BMPR1A: variants seen among roughly 807,000 people sequenced by gnomAD.
BMPR1A encodes bone morphogenetic protein receptor type-1A.
In BMPR1A, 7 loss-of-function variants were observed where a neutral mutation model predicts 66.0. That is an observed-to-expected ratio of 0.11 (90% CI 0.06 to 0.20). The LOEUF is 0.20. Ranked by LOEUF, BMPR1A falls within the 10% of genes least tolerant of loss-of-function variation. The probability of loss-of-function intolerance (pLI) is 1.00; values close to 1 mark genes in which losing one functional copy is unlikely to be tolerated. For synonymous variants in BMPR1A, 200 were observed against 229.7 expected, an observed-to-expected ratio of 0.87 and a Z score of 1.17; for missense variants, 408 against 669.1, an observed-to-expected ratio of 0.61 and a Z score of 4.31.
chr10:86,767,497 G>A (rs1456724351), intron 1 of BMPR1A, among the ~76,000 whole-genome samples: 1 of 152,114 alleles, frequency 6.6e-6, no homozygotes, highest in African/African-American at 2.4e-5. Context: ...TGGGCAATAT[G>A]TTGAGACTCT....
intron 1 of BMPR1A, among the ~76,000 whole-genome samples, chr10:86,833,602 G>A (rs935895520): frequency 2.6e-5 from 4 of 152,036 alleles, no homozygotes; most frequent in Admixed American, 2.6e-4. Context: ...AGTGACTGCC[G>A]GTACATAAAC....
chr10:86,823,900 C>G (rs1053112896), intron 1 of BMPR1A, among the ~76,000 whole-genome samples: 12 of 152,190 alleles, frequency 7.9e-5, no homozygotes, highest in Admixed American at 3.9e-4. Flanking sequence ...CGTTAGTGCT[C>G]TTCGGTTAAT....
At chr10:86,773,919 C>T (rs559650387) in intron 1 of BMPR1A, among the ~76,000 whole-genome samples, 11 of 149,086 alleles carry the variant, frequency 7.4e-5, no homozygotes, top group Admixed American at 2.0e-4. Flanking sequence ...GGTGCGATCT[C>T]GGCTCACTGC....
At chr10:86,762,730 T>G (rs978879200) in intron 1 of BMPR1A, among the ~76,000 whole-genome samples, 2 of 152,056 alleles carry the variant, frequency 1.3e-5, no homozygotes, top group East Asian at 3.9e-4. Context: ...GTTGTAGTTA[T>G]GTTAAGATCT....
At chr10:86,892,324 G>A (rs768406007) in intron 5 of BMPR1A, 95 bp downstream of exon 5, 6 of 929,476 alleles carry the variant, frequency 6.5e-6, no homozygotes, top group East Asian at 2.6e-5. Flanking sequence ...TGTACACATC[G>A]CTGTATGTTC....
chr10:86,761,563 G>T (rs1564675760), intron 1 of BMPR1A, among the ~76,000 whole-genome samples: 1 of 152,200 alleles, frequency 6.6e-6, no homozygotes, highest in South Asian at 2.1e-4. Flanking sequence ...GGCCTAGCCC[G>T]GATTAAACCC....
chr10:86,773,234 T>C (rs1841293264), intron 1 of BMPR1A, among the ~76,000 whole-genome samples: 2 of 151,782 alleles, frequency 1.3e-5, no homozygotes, highest in Non-Finnish European at 2.9e-5. Context: ...TGTTCTTCAG[T>C]AATAATAGAC....
chr10:86,892,369 C>G (rs573388569), intron 5 of BMPR1A, 140 bp downstream of exon 5: 7 of 673,582 alleles, frequency 1.0e-5, no homozygotes, highest in African/African-American at 5.4e-5. Flanking sequence ...TACCTACTGT[C>G]TAGATTCTGT....
intron 3 of BMPR1A, among the ~76,000 whole-genome samples, chr10:86,885,993 C>G (rs1028043385): frequency 1.3e-5 from 2 of 152,090 alleles, no homozygotes; most frequent in Non-Finnish European, 2.9e-5. Context: ...CTGTTTGTCT[C>G]TTTGTATGTA....
At chr10:86,909,075 G>A (rs150720402) in intron 7 of BMPR1A, among the ~76,000 whole-genome samples, 2 of 152,282 alleles carry the variant, frequency 1.3e-5, no homozygotes, top group Non-Finnish European at 2.9e-5. Context: ...ATACAGCGAG[G>A]GCCTTGTGTA....
rs574037119 is a variant in BMPR1A, at chr10:86,918,979, G to A, written c.869-193G>A. 5.1e-4 allele frequency among the ~76,000 whole-genome samples: 78 copies of A among 152,250 alleles called. 1 individual carries two copies. Among genetic ancestry groups the A allele is most frequent in the Middle Eastern group, 3.4e-3 (1 of 294 alleles). On this transcript the variant is annotated intron_variant, in intron 9 of 12. Coordinates refer to ENST00000372037, the MANE Select transcript of BMPR1A (RefSeq NM_004329.3). ...TTATTAAGATTATTATAAATTTATT[G>A]TAGAAGTACAGATATATGTGTAAAT...
chr10:86,923,872 C>G lies in BMPR1A; in HGVS notation c.*153C>G, dbSNP rs1485932766. ...GCTGCTAATATTAAACCTTTCAGTA[C>G]TCTTATTAGGATACAAGCTGGGAAC... On this transcript the variant is annotated 3_prime_UTR_variant, in exon 13 of 13. Coordinates refer to ENST00000372037, the MANE Select transcript of BMPR1A (RefSeq NM_004329.3). 1.8e-5 allele frequency: 16 copies of G among 870,958 alleles called. No individual in the cohort carries two copies. Among genetic ancestry groups the G allele is most frequent in the Admixed American group, 9.0e-5 (4 of 44,276 alleles). The allele number at this position is 870,958 out of a possible 1,614,324, so 54.0% of individuals were successfully genotyped here.
At chr10:86,921,729 T>C in intron 11 of BMPR1A, 34 bp downstream of exon 11, 1 of 1,613,874 alleles carries the variant, frequency 6.2e-7, no homozygotes, top group Non-Finnish European at 8.5e-7. Flanking sequence ...TTATGTTGAT[T>C]TACTCATCAT....
intron 1 of BMPR1A, among the ~76,000 whole-genome samples, chr10:86,818,983 C>G (rs965567794): frequency 1.3e-5 from 2 of 151,960 alleles, no homozygotes; most frequent in African/African-American, 2.4e-5. Flanking sequence ...TGAATGAACC[C>G]GAAGAATTCC....
At chr10:86,793,290 T>C (rs1484301553) in intron 1 of BMPR1A, among the ~76,000 whole-genome samples, 1 of 151,838 alleles carries the variant, frequency 6.6e-6, no homozygotes, top group Admixed American at 6.6e-5. Context: ...TTGAGTTGTA[T>C]AGGGAAGGGT....
chr10:86,852,973 G>C (rs1053573835), intron 2 of BMPR1A, among the ~76,000 whole-genome samples: 1 of 152,136 alleles, frequency 6.6e-6, no homozygotes, highest in Non-Finnish European at 1.5e-5. Flanking sequence ...TAACAGAGCT[G>C]AAAGTTGTTT....
At chr10:86,902,279 TG>T (rs1284897889) in intron 7 of BMPR1A, among the ~76,000 whole-genome samples, 2 of 152,202 alleles carry the variant, frequency 1.3e-5, no homozygotes, top group Non-Finnish European at 2.9e-5. Context: ...TCCATTGAAT[TG>T]CATAGATTTT....
At chr10:86,839,842 C>T (rs909989643) in intron 2 of BMPR1A, among the ~76,000 whole-genome samples, 2 of 151,870 alleles carry the variant, frequency 1.3e-5, no homozygotes, top group African/African-American at 4.8e-5. Flanking sequence ...TTTGTAGAAA[C>T]AGGGTCTCAT....
At chr10:86,762,747 A>C (rs187933394) in intron 1 of BMPR1A, among the ~76,000 whole-genome samples, 1 of 152,314 alleles carries the variant, frequency 6.6e-6, no homozygotes, top group Non-Finnish European at 1.5e-5. Context: ...ATCTACAAAA[A>C]GGAAGTCCAG....
Sources: gnomAD v4.1 joint callset for allele counts (sites outside exome capture counted in the v4.1 genomes callset) on GRCh38, gnomAD v4.1.1 for gene constraint, MANE v1.5 for transcripts, NCBI Gene and HGNC (gene_info 2026-07-23, HGNC 2026-07-21) for gene names.